RNF34: variants seen among roughly 807,000 people sequenced by gnomAD.
RNF34 encodes ring finger protein 34, also known as E3 ubiquitin-protein ligase RNF34.
A neutral mutation model predicts 37.9 loss-of-function variants in RNF34; 12 were observed. That is an observed-to-expected ratio of 0.32 (90% CI 0.20 to 0.51). The LOEUF is 0.51. Ranked by LOEUF, RNF34 falls within the 20% of genes least tolerant of loss-of-function variation. The pLI is 0.97. For missense variants in RNF34, 362 were observed against 472.7 expected (o/e 0.77, Z 2.17); for synonymous variants, 155 against 177.2 (o/e 0.87, Z 1.00).
rs957780688 is a variant in RNF34, at chr12:121,417,942, C to T, written c.633+31C>T. On this transcript the variant is annotated intron_variant, in intron 3 of 5. Coordinates refer to ENST00000361234, the MANE Select transcript of RNF34 (RefSeq NM_025126.4). The surrounding 1 kb of genome is among the most constrained non-coding windows in gnomAD (Gnocchi z 5.0). ...AGGGGGTAACTAATTACACCCAGGG[C>T]CCGGCACGCTTATTCTTGGCCGTAT... is the stretch of plus-strand genomic sequence containing the variant. The T allele has an allele frequency of 6.3e-7, 1 of 1,599,240 alleles. No homozygotes were observed. Among genetic ancestry groups the T allele is most frequent in the African/African-American group, 1.4e-5 (1 of 74,014 alleles).
At chr12:121,413,128 C>T (rs1466472277) in intron 1 of RNF34, among the ~76,000 whole-genome samples, 1 of 142,576 alleles carries the variant, frequency 7.0e-6, no homozygotes, top group Non-Finnish European at 1.5e-5. Flanking sequence ...CCGGTTCAAG[C>T]GATTCTCCTG....
Position 121,423,291 on chromosome 12 carries a change from C to A in RNF34, c.929-95C>A. 2 of 910,320 alleles carry A rather than the reference C, an allele frequency of 2.2e-6. No homozygotes were observed. Among genetic ancestry groups the A allele is most frequent in the South Asian group, 1.7e-5 (1 of 60,024 alleles). The allele number at this position is 910,320 out of a possible 1,614,324, so 56.4% of individuals were successfully genotyped here. On this transcript the variant is annotated intron_variant, in intron 5 of 5. Transcript: ENST00000361234. This position sits in a 1 kb window ranked among gnomAD's most constrained non-coding sequence, Gnocchi z 4.3. ...GGGGTGGCATTGGGCCTGCAGGGGT[C>A]ATTCAGCAGGTGGCTGCTCAGCTTC...
Position 121,417,360 on chromosome 12 carries a change from C to T in RNF34, c.226-144C>T. ...ATTTTGATTTTCATGGCTTTTGAAA[C>T]ATGAAAATACCTCTGGAAATAGTCT... On this transcript the variant is annotated intron_variant, in intron 2 of 5. Coordinates refer to ENST00000361234, the MANE Select transcript of RNF34 (RefSeq NM_025126.4). This position sits in a 1 kb window ranked among gnomAD's most constrained non-coding sequence, Gnocchi z 5.0. 1.5e-6 allele frequency: 1 copy of T among 685,622 alleles called. No individual in the cohort carries two copies. The highest frequency in any genetic ancestry group is 3.1e-5 in the Admixed American group (1 of 32,680). 42.5% of individuals were successfully genotyped at this position (685,622 alleles called of 1,614,324 possible). A position where few individuals can be genotyped will look rare whatever the true frequency, so the allele number is the denominator to read the frequency against.
At chr12:121,407,763 C>T (rs1870685404) in intron 1 of RNF34, among the ~76,000 whole-genome samples, 1 of 152,136 alleles carries the variant, frequency 6.6e-6, no homozygotes, top group Non-Finnish European at 1.5e-5. Context: ...GAACTTAGGT[C>T]TCTAAAGCTT....
intron 3 of RNF34, among the ~76,000 whole-genome samples, chr12:121,419,164 C>CT (rs1566234130): frequency 6.6e-6 from 1 of 152,124 alleles, no homozygotes; most frequent in African/African-American, 2.4e-5. Context: ...TTTATTGTAC[C>CT]TTTTTTGTGT....
intron 5 of RNF34, among the ~76,000 whole-genome samples, chr12:121,421,371 T>TA (rs11398833): frequency 0.057 from 2,640 of 46,108 alleles, 213 homozygotes; most frequent in African/African-American, 0.084. Context: ...ATCCCATCTC[T>TA]AAAAAAAAAA....
intron 1 of RNF34, among the ~76,000 whole-genome samples, 166 bp downstream of exon 1, chr12:121,400,384 G>C (rs1343082454): frequency 6.6e-6 from 1 of 152,228 alleles, no homozygotes; most frequent in African/African-American, 2.4e-5. Flanking sequence ...ACCGAGCCAG[G>C]GCAGGCTGCC....
chr12:121,415,111 T>C (rs1250716906), intron 1 of RNF34, among the ~76,000 whole-genome samples: 1 of 151,642 alleles, frequency 6.6e-6, no homozygotes, highest in Non-Finnish European at 1.5e-5. Flanking sequence ...AAAAAAAGAA[T>C]TTGGAAAGTA....
intron 1 of RNF34, among the ~76,000 whole-genome samples, chr12:121,402,420 A>C (rs1555280118): frequency 2.0e-5 from 3 of 152,212 alleles, no homozygotes; most frequent in African/African-American, 7.2e-5. Flanking sequence ...ATGGGTATTT[A>C]CTTTCTCCCT....
chr12:121,419,255 C>T (rs1871873505), intron 3 of RNF34, among the ~76,000 whole-genome samples: 1 of 152,328 alleles, frequency 6.6e-6, no homozygotes, highest in Admixed American at 6.5e-5. Context: ...TGATGTACGG[C>T]TTCGTAGCCG....
chr12:121,410,022 G>A (rs1397280091), intron 1 of RNF34, among the ~76,000 whole-genome samples: 2 of 152,114 alleles, frequency 1.3e-5, no homozygotes, highest in Non-Finnish European at 2.9e-5. Context: ...GGGCATGGTG[G>A]CAGATGCCTG....
chr12:121,407,811 A>G (rs1423906730), intron 1 of RNF34, among the ~76,000 whole-genome samples: 1 of 152,206 alleles, frequency 6.6e-6, no homozygotes, highest in Non-Finnish European at 1.5e-5. Flanking sequence ...CTTGTTGGTT[A>G]TGACCCTACC....
chr12:121,413,219 G>A (rs1366981585), intron 1 of RNF34, among the ~76,000 whole-genome samples: 6 of 150,998 alleles, frequency 4.0e-5, no homozygotes, highest in Non-Finnish European at 2.9e-5. Context: ...TAGAGACGGC[G>A]TTTCGCCATG....
chr12:121,415,065 C>T (rs1168738655), intron 1 of RNF34, among the ~76,000 whole-genome samples: 1 of 150,836 alleles, frequency 6.6e-6, no homozygotes, highest in Non-Finnish European at 1.5e-5. Context: ...CATTACACTC[C>T]AGCCTGGGCA....
intron 1 of RNF34, among the ~76,000 whole-genome samples, chr12:121,402,053 A>G (rs782447197): frequency 4.2e-4 from 64 of 152,204 alleles, no homozygotes; most frequent in Non-Finnish European, 8.8e-4. Flanking sequence ...CTGGGCAGAG[A>G]CTGATTCCTG....
At chr12:121,422,129 C>T (rs1593680404) in intron 5 of RNF34, among the ~76,000 whole-genome samples, 1 of 152,184 alleles carries the variant, frequency 6.6e-6, no homozygotes, top group East Asian at 1.9e-4. Context: ...TAATGCCATT[C>T]CCACCCTTAA....
rs1872400136 is a variant in RNF34, at chr12:121,424,274, T to C, written c.*698T>C. ...AATGTGTAATCAGTTTACATTGTTT[T>C]GTATAGTGAAGGTGTATTTTCAGTG... On this transcript the variant is annotated 3_prime_UTR_variant, in exon 6 of 6. Coordinates refer to ENST00000361234, the MANE Select transcript of RNF34 (RefSeq NM_025126.4). 6.5e-6 allele frequency: 1 copy of C among 152,704 alleles called. No individual in the cohort carries two copies. The highest frequency in any genetic ancestry group is 1.5e-5 in the Non-Finnish European group (1 of 68,048). 9.5% of individuals were successfully genotyped at this position (152,704 alleles called of 1,614,324 possible).
At chr12:121,401,893 T>C (rs1870030568) in intron 1 of RNF34, among the ~76,000 whole-genome samples, 1 of 152,214 alleles carries the variant, frequency 6.6e-6, no homozygotes, top group Admixed American at 6.5e-5. Context: ...GACATCAGCC[T>C]GTGCCAGATG....
Position 121,423,420 on chromosome 12 carries a change from C to G in RNF34, c.963C>G (p.Asp321Glu), listed in dbSNP as rs781970364. 1 of 1,611,646 alleles carries G rather than the reference C, an allele frequency of 6.2e-7. No individual in the cohort carries two copies. The highest frequency in any genetic ancestry group is 8.5e-7 in the Non-Finnish European group (1 of 1,178,936). Residue 321 changes from aspartate (D) to glutamate (E), a missense_variant, in exon 6 of 6, where the codon GAC (aspartate) becomes GAG (glutamate). Transcript: ENST00000361234. The surrounding 1 kb of genome is among the most constrained non-coding windows in gnomAD (Gnocchi z 4.3). ...GERLQLQDEE[D>E]DSLCRICMDA... is the part of the protein sequence containing the mutation. ...GGCTGCAGCTGCAGGATGAGGAAGA[C>G]GACAGCCTGTGTCGCATCTGCATGG... is the stretch of plus-strand genomic sequence containing the variant.
Sources: allele counts gnomAD v4.1 joint callset (sites outside exome capture counted in the v4.1 genomes callset), GRCh38; gene constraint gnomAD v4.1.1; non-coding constraint Gnocchi (gnomAD v3.1); transcripts MANE v1.5; gene names NCBI Gene and HGNC (gene_info 2026-07-23, HGNC 2026-07-21).